RCAN2: variants seen among roughly 807,000 people sequenced by gnomAD.
RCAN2 encodes calcipressin-2.
Under a neutral mutation model 23.6 loss-of-function variants are expected in RCAN2, and 9 were observed. The ratio of observed to expected loss-of-function variants is 0.38; its 90% CI spans 0.23 to 0.67. The LOEUF (loss-of-function observed/expected upper bound fraction) is 0.67. Ranked by LOEUF, RCAN2 falls within the 30% of genes least tolerant of loss-of-function variation. The pLI is 0.51. For synonymous variants in RCAN2, 109 were observed against 115.7 expected (o/e 0.94, Z 0.37); for missense variants, 273 against 302.3 (o/e 0.90, Z 0.72).
At chr6:46,308,976 A>G (rs1219752660) in intron 2 of RCAN2, among the ~76,000 whole-genome samples, 1 of 152,154 alleles carries the variant, frequency 6.6e-6, no homozygotes, top group Non-Finnish European at 1.5e-5. Context: ...CAACCTTTCA[A>G]TCTTGACTTA....
intron 4 of RCAN2, among the ~76,000 whole-genome samples, chr6:46,244,265 G>A (rs546265121): frequency 1.5e-4 from 23 of 152,196 alleles, no homozygotes; most frequent in African/African-American, 5.5e-4. Flanking sequence ...ATCCCCCATC[G>A]CCAACTGCTT....
intron 1 of RCAN2, among the ~76,000 whole-genome samples, chr6:46,460,450 G>A (rs1158179977): frequency 6.6e-6 from 1 of 152,142 alleles, no homozygotes; most frequent in Non-Finnish European, 1.5e-5. Context: ...GACATGTGTT[G>A]TCCTTATTTC....
chr6:46,301,339 A>G (rs1434440322), intron 2 of RCAN2, among the ~76,000 whole-genome samples: 1 of 152,062 alleles, frequency 6.6e-6, no homozygotes, highest in Non-Finnish European at 1.5e-5. Flanking sequence ...CTGCAAAGAT[A>G]CACAGGTATG....
intron 2 of RCAN2, among the ~76,000 whole-genome samples, chr6:46,304,947 A>G (rs913522857): frequency 1.3e-5 from 2 of 152,132 alleles, no homozygotes; most frequent in African/African-American, 4.8e-5. Flanking sequence ...CCTGTATTGG[A>G]ACAAGGTAGA....
At chr6:46,262,915 A>C (rs544414998) in intron 2 of RCAN2, among the ~76,000 whole-genome samples, 5 of 152,176 alleles carry the variant, frequency 3.3e-5, no homozygotes, top group Non-Finnish European at 7.3e-5. Flanking sequence ...GTCCTAGCTC[A>C]TATCTCAAAT....
chr6:46,333,295 T>G (rs1321877165), intron 2 of RCAN2, among the ~76,000 whole-genome samples: 1 of 152,242 alleles, frequency 6.6e-6, no homozygotes, highest in African/African-American at 2.4e-5. Context: ...CTCACTATTT[T>G]CTGTCTTGGT....
intron 2 of RCAN2, among the ~76,000 whole-genome samples, chr6:46,410,742 A>T (rs1280840929): frequency 6.6e-6 from 1 of 152,236 alleles, no homozygotes; most frequent in African/African-American, 2.4e-5. Flanking sequence ...CCCATCTTAT[A>T]ACAGCAAATC....
At chr6:46,298,476 A>G (rs1349100700) in intron 2 of RCAN2, among the ~76,000 whole-genome samples, 2 of 152,126 alleles carry the variant, frequency 1.3e-5, no homozygotes, top group Admixed American at 6.6e-5. Flanking sequence ...TAATGGCTCC[A>G]TTCTTACAAT....
At chr6:46,388,688 TA>T (rs1471850284) in intron 2 of RCAN2, among the ~76,000 whole-genome samples, 12 of 152,228 alleles carry the variant, frequency 7.9e-5, no homozygotes, top group Admixed American at 1.3e-4. Context: ...CTCAGCAAAC[TA>T]AAACAGGAAC....
At chr6:46,329,316 T>A (rs1763888400) in intron 2 of RCAN2, among the ~76,000 whole-genome samples, 1 of 152,138 alleles carries the variant, frequency 6.6e-6, no homozygotes, top group Admixed American at 6.5e-5. Context: ...ACAGAGTCAA[T>A]CACTATCCTG....
At chr6:46,479,429 G>A (rs187162904) in intron 1 of RCAN2, among the ~76,000 whole-genome samples, 6 of 152,088 alleles carry the variant, frequency 3.9e-5, no homozygotes, top group African/African-American at 1.4e-4. Flanking sequence ...CACCAATTCC[G>A]TTCAAATGAA....
chr6:46,444,849 C>G (rs1037477692), intron 2 of RCAN2, among the ~76,000 whole-genome samples: 1 of 152,156 alleles, frequency 6.6e-6, no homozygotes. Flanking sequence ...CCTGTGGCCC[C>G]AAGACCCAGG....
At chr6:46,386,326 C>T (rs749059630) in intron 2 of RCAN2, among the ~76,000 whole-genome samples, 2 of 151,748 alleles carry the variant, frequency 1.3e-5, no homozygotes, top group Non-Finnish European at 2.9e-5. Flanking sequence ...AGGCCGGGTG[C>T]GGTGGCTCAC....
intron 2 of RCAN2, among the ~76,000 whole-genome samples, chr6:46,405,129 G>A (rs1766360936): frequency 6.6e-6 from 1 of 152,120 alleles, no homozygotes; most frequent in Admixed American, 6.5e-5. Flanking sequence ...CAGCTCTTAA[G>A]GCGGCGCATC....
At chr6:46,386,086 C>A (rs1483351981) in intron 2 of RCAN2, among the ~76,000 whole-genome samples, 3 of 152,030 alleles carry the variant, frequency 2.0e-5, no homozygotes, top group African/African-American at 7.3e-5. Flanking sequence ...AGCAGGCAAC[C>A]TAGAGAACGG....
At chr6:46,399,449 G>A (rs1766186993) in intron 2 of RCAN2, among the ~76,000 whole-genome samples, 2 of 150,330 alleles carry the variant, frequency 1.3e-5, no homozygotes, top group Admixed American at 6.6e-5. Context: ...GTTAACAGGG[G>A]GAACTGCAGG....
At chr6:46,229,785 G>A (rs552239125) in intron 4 of RCAN2, among the ~76,000 whole-genome samples, 1 of 152,186 alleles carries the variant, frequency 6.6e-6, no homozygotes, top group African/African-American at 2.4e-5. Context: ...ACTCGTCAAA[G>A]TCATTCTCCA....
chr6:46,430,522 G>T (rs1315082602), intron 2 of RCAN2, among the ~76,000 whole-genome samples: 1 of 152,118 alleles, frequency 6.6e-6, no homozygotes, highest in African/African-American at 2.4e-5. Context: ...GTTTGGATGA[G>T]ATTGCTTAGG....
At chr6:46,365,837 G>T (rs1765158846) in intron 2 of RCAN2, among the ~76,000 whole-genome samples, 3 of 152,158 alleles carry the variant, frequency 2.0e-5, no homozygotes, top group Admixed American at 2.0e-4. Context: ...CATAGGACAG[G>T]CTATATATAA....
Sources: allele counts gnomAD v4.1 joint callset (sites outside exome capture counted in the v4.1 genomes callset), GRCh38; gene constraint gnomAD v4.1.1; transcripts MANE v1.5; gene names NCBI Gene and HGNC (gene_info 2026-07-23, HGNC 2026-07-21).